Variants in PIK3R5 observed in about 807,000 individuals in gnomAD.
The protein encoded by PIK3R5 is phosphoinositide-3-kinase regulatory subunit 5.
A neutral mutation model predicts 94.9 loss-of-function variants in PIK3R5; 32 were observed. The ratio of observed to expected loss-of-function variants is 0.34; its 90% CI spans 0.25 to 0.45. The LOEUF (loss-of-function observed/expected upper bound fraction) is 0.45, where lower values mean the gene tolerates loss of function less well. Among genes scored for constraint, PIK3R5 ranks in the 20% least tolerant of loss-of-function variants. The pLI, the probability that PIK3R5 is intolerant of heterozygous loss-of-function variation, is 1.00. For missense variants in PIK3R5, 853 were observed against 1,144.6 expected (o/e 0.75, Z 3.68); for synonymous variants, 443 against 479.4 (o/e 0.92, Z 0.99).
At chr17:8,894,936 C>T (rs966888536) in intron 5 of PIK3R5, among the ~76,000 whole-genome samples, 5 of 152,280 alleles carry the variant, frequency 3.3e-5, no homozygotes, top group African/African-American at 1.2e-4. Context: ...TGTGAGGTTC[C>T]TTTAGTAAAA....
chr17:8,936,806 A>G (rs2091085949), intron 1 of PIK3R5, among the ~76,000 whole-genome samples: 1 of 152,182 alleles, frequency 6.6e-6, no homozygotes, highest in Non-Finnish European at 1.5e-5. Flanking sequence ...AATTTATTGG[A>G]GTCTTGATAG....
Position 8,955,885 on chromosome 17 carries a change from C to T in PIK3R5, c.-14+9711G>A, listed in dbSNP as rs2091458498. On this transcript the variant is annotated intron_variant, in intron 1 of 18. Coordinates refer to ENST00000447110, the MANE Select transcript of PIK3R5 (RefSeq NM_001142633.3). This position sits in a 1 kb window ranked among gnomAD's most constrained non-coding sequence, Gnocchi z 4.4. ...GGATATTGCTCAAGTTGAAATAGGG[C>T]ATCAAGTGAAAATAACCCGCATGTA... 6.6e-6 allele frequency among the ~76,000 whole-genome samples: 1 copy of T among 152,122 alleles called. No homozygotes were observed. Among genetic ancestry groups the T allele is most frequent in the African/African-American group, 2.4e-5 (1 of 41,416 alleles).
chr17:8,911,510 G>T lies in PIK3R5; in HGVS notation c.-13-3C>A, dbSNP rs756103252. 2 of 1,579,726 alleles carry T rather than the reference G, an allele frequency of 1.3e-6. No homozygotes were observed. Among genetic ancestry groups the T allele is most frequent in the South Asian group, 1.1e-5 (1 of 90,514 alleles). Reference sequence around the variant, plus strand: ...CTGGCTGCATCCTGGGTCATCGCCTGCATGGGGGACAGACGCCGGTCAGCT... The same window carrying T: ...CTGGCTGCATCCTGGGTCATCGCCTTCATGGGGGACAGACGCCGGTCAGCT... On this transcript the variant is annotated splice_polypyrimidine_tract_variant and splice_region_variant and intron_variant, in intron 1 of 18. Transcript: ENST00000447110. The surrounding 1 kb of genome is among the most constrained non-coding windows in gnomAD (Gnocchi z 5.3).
intron 1 of PIK3R5, among the ~76,000 whole-genome samples, chr17:8,917,558 G>A (rs1285174833): frequency 6.6e-6 from 1 of 152,182 alleles, no homozygotes; most frequent in Non-Finnish European, 1.5e-5. Flanking sequence ...TCATATGAAT[G>A]TGAGTTAAAA....
chr17:8,886,606 C>A lies in PIK3R5; in HGVS notation c.1906-1G>T. ...CCTGGGCTTCAGCCTTCAGGGACTG[C>A]TGTGGCCAGAGGGAAGGGGCAGCCA... On this transcript the variant is annotated splice_acceptor_variant, in intron 12 of 18. Transcript: ENST00000447110. LOFTEE classifies it high-confidence loss of function. 1 of 1,583,180 alleles carries A rather than the reference C, an allele frequency of 6.3e-7. No homozygotes were observed. Among genetic ancestry groups the A allele is most frequent in the Non-Finnish European group, 8.6e-7 (1 of 1,167,786 alleles).
chr17:8,916,842 G>A (rs1378857531), intron 1 of PIK3R5: 1 of 152,362 alleles, frequency 6.6e-6, no homozygotes, highest in Non-Finnish European at 1.5e-5. Context: ...AGCCTCTTGG[G>A]GGTTTCTAAA....
intron 1 of PIK3R5, among the ~76,000 whole-genome samples, chr17:8,961,387 C>CA (rs1186476449): frequency 6.6e-6 from 1 of 152,110 alleles, no homozygotes; most frequent in Non-Finnish European, 1.5e-5. Flanking sequence ...GTAATCCCAG[C>CA]ACTTTGGGAG....
chr17:8,926,802 C>T (rs1361870891), intron 1 of PIK3R5, among the ~76,000 whole-genome samples: 1 of 152,056 alleles, frequency 6.6e-6, no homozygotes, highest in African/African-American at 2.4e-5. Context: ...CAAATGCTAA[C>T]AGAAATTATA....
rs1044571117 is a variant in PIK3R5 at position 8,904,350 on chromosome 17, C to T, written c.412+427G>A. Among the ~76,000 whole-genome samples, 3 of 152,174 alleles carry T rather than the reference C, an allele frequency of 2.0e-5. No homozygotes were observed. The highest frequency in any genetic ancestry group is 2.9e-5 in the Non-Finnish European group (2 of 68,032). The stretch of plus-strand genomic sequence containing the variant: ...CCTAGTACCAGCCACCTTCCCCAAC[C>T]CAAACTGCATCAACCCACACACACA... On this transcript the variant is annotated intron_variant, in intron 5 of 18. Transcript: ENST00000447110. The surrounding 1 kb of genome is among the most constrained non-coding windows in gnomAD (Gnocchi z 5.1).
chr17:8,964,650 G>C (rs2091632251), intron 1 of PIK3R5, among the ~76,000 whole-genome samples: 1 of 152,156 alleles, frequency 6.6e-6, no homozygotes, highest in Admixed American at 6.5e-5. Flanking sequence ...CACGTTGTAG[G>C]GTTGGCTCCA....
chr17:8,909,392 C>T lies in PIK3R5; in HGVS notation c.104-218G>A, dbSNP rs1019116240. 1.3e-5 allele frequency among the ~76,000 whole-genome samples: 2 copies of T among 152,104 alleles called. No individual in the cohort carries two copies. The highest frequency in any genetic ancestry group is 2.1e-4 in the South Asian group (1 of 4,830). On this transcript the variant is annotated intron_variant, in intron 2 of 18. Coordinates refer to ENST00000447110, the MANE Select transcript of PIK3R5 (RefSeq NM_001142633.3). The surrounding 1 kb of genome is among the most constrained non-coding windows in gnomAD (Gnocchi z 4.3). ...GCAACCTCTGCCTCCCGGGTTCAAG[C>T]GATTCCCCTGCCTCAGCCTCCCAAG... is the stretch of plus-strand genomic sequence containing the variant.
Position 8,887,651 on chromosome 17 carries a change from C to G in PIK3R5, c.1649G>C (p.Arg550Pro). The G allele has an allele frequency of 6.2e-7, 1 of 1,606,362 alleles. No individual in the cohort carries two copies. Among genetic ancestry groups the G allele is most frequent in the Non-Finnish European group, 8.5e-7 (1 of 1,176,460 alleles). The change falls in exon 11 of 19, where the codon CGG (arginine) becomes CCG (proline). Residue 550 changes from arginine to proline, a missense_variant. Around this residue, in one of 6 missense-constraint regions of PIK3R5, gnomAD observed 319 missense variants for 339.8 expected, o/e 0.94. Transcript: ENST00000447110. ...RLENNRPLLT[R>P]FFKLQFFYVP... ...GTAGAAGAACTGAAGTTTGAAGAAC[C>G]GTGTGAGGAGTGGGCGATTGTTCTC... is the stretch of plus-strand genomic sequence containing the variant.
rs752266065 is a variant in PIK3R5 at position 8,890,840 on chromosome 17, G to C, written c.555C>G (p.Pro185=). The C allele has an allele frequency of 1.9e-6, 3 of 1,613,498 alleles. No homozygotes were observed. Among genetic ancestry groups the C allele is most frequent in the East Asian group, 4.5e-5 (2 of 44,880 alleles). The change falls in exon 7 of 19, where the codon CCC becomes CCG. Residue 185 remains proline (P), a synonymous_variant. Transcript: ENST00000447110. The surrounding 1 kb of genome is among the most constrained non-coding windows in gnomAD (Gnocchi z 6.1). ...FLAVANKLST[P]GHSPHSAYTT... ...TGTAGGCACTGTGAGGCGAGTGTCC[G>C]GGCGTACTCAGCTTATTGGCTACAG...
At chr17:8,880,848 G>T (rs1034453145) in intron 18 of PIK3R5, 57 bp downstream of exon 18, 1 of 1,612,962 alleles carries the variant, frequency 6.2e-7, no homozygotes, top group Non-Finnish European at 8.5e-7. Context: ...CTCCTTCCAG[G>T]CCTCTGGGTT....
intron 1 of PIK3R5, chr17:8,915,972 A>G (rs181541): frequency 0.73 from 110,462 of 152,240 alleles, 40,831 homozygotes; most frequent in African/African-American, 0.88. Flanking sequence ...CCCCAACCCC[A>G]CCCTGCTCAA....
intron 1 of PIK3R5, among the ~76,000 whole-genome samples, chr17:8,962,174 TG>T (rs1370080969): frequency 6.6e-6 from 1 of 152,112 alleles, no homozygotes; most frequent in African/African-American, 2.4e-5. Context: ...ATATGTGAAA[TG>T]GGGGCAATAA....
rs532709254 is a variant in PIK3R5, at chr17:8,902,293, G to A, written c.412+2484C>T. Reference sequence around the variant, plus strand: ...TTTTTTTTAGATGGAGTCTCGCTTTGTCTGCAGGCTGGAGTGCAATGGCAC... The same window carrying A: ...TTTTTTTTAGATGGAGTCTCGCTTTATCTGCAGGCTGGAGTGCAATGGCAC... On this transcript the variant is annotated intron_variant, in intron 5 of 18. Transcript: ENST00000447110. Among the ~76,000 whole-genome samples, 140 of 93,650 alleles carry A rather than the reference G, an allele frequency of 1.5e-3. 2 individuals carry two copies. The highest frequency in any genetic ancestry group is 5.6e-3 in the African/African-American group (131 of 23,508). 61.4% of individuals were successfully genotyped at this position (93,650 alleles called of 152,430 possible).
chr17:8,914,073 G>A (rs1486847324), intron 1 of PIK3R5, among the ~76,000 whole-genome samples: 1 of 152,214 alleles, frequency 6.6e-6, no homozygotes, highest in Non-Finnish European at 1.5e-5. Flanking sequence ...ACCTGCTGGA[G>A]GAGGTAGAAC....
At position 8,882,937 on chromosome 17, in the gene PIK3R5, C is replaced by T. The variant is rs1264521749; in HGVS notation, c.2206-1056G>A. Among the ~76,000 whole-genome samples the T allele has an allele frequency of 6.6e-6, 1 of 152,230 alleles. No individual in the cohort carries two copies. The highest frequency in any genetic ancestry group is 2.4e-5 in the African/African-American group (1 of 41,454). On this transcript the variant is annotated intron_variant, in intron 15 of 18. Coordinates refer to ENST00000447110, the MANE Select transcript of PIK3R5 (RefSeq NM_001142633.3). This position sits in a 1 kb window ranked among gnomAD's most constrained non-coding sequence, Gnocchi z 4.1. Reference sequence around the variant, plus strand: ...CTGGCCTTCCTGCATCACTTGTGGACCCTTCCTATCTGTCCTCCACAGAGC... The same window carrying T: ...CTGGCCTTCCTGCATCACTTGTGGATCCTTCCTATCTGTCCTCCACAGAGC...
Sources: allele counts gnomAD v4.1 joint callset (sites outside exome capture counted in the v4.1 genomes callset), GRCh38; gene constraint gnomAD v4.1.1; regional missense constraint gnomAD v4.1.1; non-coding constraint Gnocchi (gnomAD v3.1); transcripts MANE v1.5; gene names NCBI Gene and HGNC (gene_info 2026-07-23, HGNC 2026-07-21).